Variants in CCDC150 observed in about 807,000 individuals in gnomAD.
CCDC150 encodes coiled-coil domain containing 150.
CCDC150 carries 151 observed loss-of-function variants against 156.5 expected under a neutral mutation model. The ratio of observed to expected loss-of-function variants is 0.97; its 90% CI spans 0.85 to 1.10. The LOEUF (loss-of-function observed/expected upper bound fraction) is 1.10, where lower values mean the gene tolerates loss of function less well. CCDC150 is among the 50% of genes least tolerant of loss of function. The pLI, the probability that CCDC150 is intolerant of heterozygous loss-of-function variation, is 0.00. For missense variants in CCDC150, 1,312 were observed against 1,268.1 expected (o/e 1.03, Z -0.53); for synonymous variants, 452 against 429.4 (o/e 1.05, Z -0.65).
At chr2:196,651,638 T>C (rs1040452870) in intron 2 of CCDC150, among the ~76,000 whole-genome samples, 9 of 152,210 alleles carry the variant, frequency 5.9e-5, no homozygotes, top group African/African-American at 2.2e-4. Flanking sequence ...GAAAACTTCA[T>C]CGATAGTCTA....
At position 196,669,844 on chromosome 2, in the gene CCDC150, G is replaced by A. The variant is rs1694092825; in HGVS notation, c.904G>A (p.Asp302Asn). 1 of 1,610,332 alleles carries A rather than the reference G, an allele frequency of 6.2e-7. No homozygotes were observed. Among genetic ancestry groups the A allele is most frequent in the East Asian group, 2.2e-5 (1 of 44,732 alleles). The change falls in exon 8 of 28, where the codon GAC becomes AAC. Residue 302 changes from aspartate to asparagine, a missense_variant. Asp to Asn is a conservative substitution (Grantham distance 23). Coordinates refer to ENST00000389175, the MANE Select transcript of CCDC150 (RefSeq NM_001080539.2). ...ATTTTTGTTTTTAGCTTCTAGAGAT[G>A]ACCTCATTTCCAAGTTGGTTGAAGA... ...QLKSDLTSRD[D>N]LISKLVEENK...
At chr2:196,706,096 G>A (rs1197854213) in intron 15 of CCDC150, among the ~76,000 whole-genome samples, 1 of 152,150 alleles carries the variant, frequency 6.6e-6, no homozygotes, top group Non-Finnish European at 1.5e-5. Flanking sequence ...AGCTTGATGG[G>A]GATGGCCTTG....
intron 14 of CCDC150, among the ~76,000 whole-genome samples, chr2:196,700,856 A>G (rs1696156898): frequency 1.3e-5 from 2 of 152,200 alleles, no homozygotes; most frequent in Non-Finnish European, 2.9e-5. Context: ...CATAACAAAA[A>G]AAGTTAATAT....
At chr2:196,659,242 A>T (rs1165119345) in intron 5 of CCDC150, among the ~76,000 whole-genome samples, 2 of 152,190 alleles carry the variant, frequency 1.3e-5, no homozygotes, top group Non-Finnish European at 2.9e-5. Context: ...TTAAACTTTC[A>T]TTTCAGCTTG....
At chr2:196,675,231 A>G (rs550669303) in intron 10 of CCDC150, among the ~76,000 whole-genome samples, 20 of 152,258 alleles carry the variant, frequency 1.3e-4, no homozygotes, top group Admixed American at 1.2e-3. Context: ...TGCACATAAC[A>G]TATACTCAAT....
At chr2:196,722,934 G>A (rs1301866541) in intron 21 of CCDC150, among the ~76,000 whole-genome samples, 2 of 152,128 alleles carry the variant, frequency 1.3e-5, no homozygotes, top group African/African-American at 4.8e-5. Context: ...AGAGTTAGAG[G>A]TCTCCTTGCA....
intron 5 of CCDC150, 139 bp downstream of exon 5, chr2:196,658,999 T>G (rs1485230042): frequency 9.7e-6 from 6 of 616,818 alleles, no homozygotes; most frequent in East Asian, 8.5e-5. Flanking sequence ...TATGCCACAT[T>G]GAATTCAAGT....
chr2:196,710,899 G>A (rs1042680285), intron 15 of CCDC150, among the ~76,000 whole-genome samples: 1 of 151,932 alleles, frequency 6.6e-6, no homozygotes, highest in Non-Finnish European at 1.5e-5. Flanking sequence ...TGGATAGATG[G>A]GATGATGGCA....
intron 13 of CCDC150, among the ~76,000 whole-genome samples, chr2:196,693,500 T>G: frequency 6.6e-6 from 1 of 152,256 alleles, no homozygotes; most frequent in East Asian, 1.9e-4. Flanking sequence ...TTTGCCCTTA[T>G]ATCCTTCAGC....
chr2:196,720,583 A>G lies in CCDC150; in HGVS notation c.2174A>G (p.Asn725Ser), dbSNP rs375980209. 19 of 1,613,680 alleles carry G rather than the reference A, an allele frequency of 1.2e-5. No individual in the cohort carries two copies. The South Asian group carries it at 1.3e-4, about 11-fold the overall frequency. ...IAGLKKERDL[N>S]QQRVQKLEAE... ...GTGCTTTTTATTTTTAGGGATCTCA[A>G]TCAACAGAGGGTGCAGAAGCTGGAA... Residue 725 changes from asparagine (N) to serine (S), a missense_variant, in exon 20 of 28, where the codon AAT (asparagine) becomes AGT (serine). Transcript: ENST00000389175.
At chr2:196,709,708 G>A (rs538255570) in intron 15 of CCDC150, among the ~76,000 whole-genome samples, 1 of 152,170 alleles carries the variant, frequency 6.6e-6, no homozygotes, top group African/African-American at 2.4e-5. Context: ...TGCCCTTTTT[G>A]TTGATGTTGA....
rs1216424511 is a variant in CCDC150, at chr2:196,695,096, T to G, written c.1560T>G (p.Asn520Lys). 1 of 1,612,984 alleles carries G rather than the reference T, an allele frequency of 6.2e-7. No individual in the cohort carries two copies. Reference protein sequence around the residue: ...THNLQTLEEENKHLADQMASL... With the variant: ...THNLQTLEEEKKHLADQMASL... ...ACCTGCAGACTCTTGAAGAAGAGAA[T>G]AAGCACCTGGCAGATCAAATGGCTT... The change falls in exon 14 of 28, where the codon AAT (asparagine) becomes AAG (lysine). Residue 520 changes from asparagine (N) to lysine (K), a missense_variant. Physicochemically the swap from Asn to Lys is moderately conservative, Grantham distance 94. Transcript: ENST00000389175.
chr2:196,725,756 CTT>C (rs1229118461), intron 21 of CCDC150, among the ~76,000 whole-genome samples: 1 of 152,194 alleles, frequency 6.6e-6, no homozygotes, highest in South Asian at 2.1e-4. Context: ...GGTTGGATCT[CTT>C]TATGTAGAAT....
At chr2:196,713,427 A>T (rs1447122221) in intron 17 of CCDC150, 2 of 1,549,920 alleles carry the variant, frequency 1.3e-6, no homozygotes, top group Admixed American at 3.9e-5. Flanking sequence ...TCTAGGTCCC[A>T]TGTAAACAGT....
chr2:196,670,604 C>A (rs971036352), intron 8 of CCDC150, among the ~76,000 whole-genome samples: 3 of 150,534 alleles, frequency 2.0e-5, no homozygotes, highest in Non-Finnish European at 3.0e-5. Context: ...CTGCTCCACT[C>A]TCAGGTCCTT....
chr2:196,693,653 G>A lies in CCDC150; in HGVS notation c.1510-1393G>A, dbSNP rs115871959. On this transcript the variant is annotated intron_variant, in intron 13 of 27. Transcript: ENST00000389175. ...TTTTATTATGTTTTCTTGCCTTATC[G>A]CACCAGCTATGGCCTCCTGTATGAT... is the stretch of plus-strand genomic sequence containing the variant. 8.0e-3 allele frequency among the ~76,000 whole-genome samples: 1,210 copies of A among 152,002 alleles called. 17 individuals carry two copies. The highest frequency in any genetic ancestry group is 0.028 in the African/African-American group (1,162 of 41,454).
intron 10 of CCDC150, among the ~76,000 whole-genome samples, chr2:196,674,607 A>T (rs1694389144): frequency 6.6e-6 from 1 of 151,898 alleles, no homozygotes; most frequent in African/African-American, 2.4e-5. Context: ...AGAATCATGG[A>T]GAACACGTAT....
At position 196,656,711 on chromosome 2, in the gene CCDC150, T is replaced by C. The variant is rs377366104; in HGVS notation, c.255T>C (p.Ile85=). 1 of 1,613,790 alleles carries C rather than the reference T, an allele frequency of 6.2e-7. No homozygotes were observed. Among genetic ancestry groups the C allele is most frequent in the Non-Finnish European group, 8.5e-7 (1 of 1,179,804 alleles). ...KVISPIQNEA[I]CAGKTDILWK... is the part of the protein sequence containing the mutation. ...TTAGTCCTATCCAAAATGAAGCAAT[T>C]TGTGCAGGAAAAACAGATATTTTAT... Residue 85 remains isoleucine (I), a synonymous_variant, in exon 3 of 28, where the codon ATT becomes ATC. Coordinates refer to ENST00000389175, the MANE Select transcript of CCDC150 (RefSeq NM_001080539.2).
intron 15 of CCDC150, among the ~76,000 whole-genome samples, chr2:196,707,252 A>G (rs1395012691): frequency 3.9e-5 from 6 of 152,212 alleles, no homozygotes; most frequent in Non-Finnish European, 5.9e-5. Context: ...GTATGTGTCC[A>G]GGAATTTATC....
Sources: allele counts gnomAD v4.1 joint callset (sites outside exome capture counted in the v4.1 genomes callset), GRCh38; gene constraint gnomAD v4.1.1; transcripts MANE v1.5; gene names NCBI Gene and HGNC (gene_info 2026-07-23, HGNC 2026-07-21).